ECHS1: variants seen among roughly 807,000 people sequenced by gnomAD.
The protein encoded by ECHS1 is enoyl-CoA hydratase, mitochondrial.
ECHS1 carries 19 observed loss-of-function variants against 33.5 expected under a neutral mutation model. The observed-to-expected ratio is 0.57, with a 90% confidence interval of 0.40 to 0.83. The LOEUF is 0.83. Ranked by LOEUF, ECHS1 falls within the 40% of genes least tolerant of loss-of-function variation. The pLI, the probability that ECHS1 is intolerant of heterozygous loss-of-function variation, is 0.00. For missense variants in ECHS1, 365 were observed against 381.3 expected (o/e 0.96, Z 0.36); for synonymous variants, 158 against 146.6 (o/e 1.08, Z -0.56).
At chr10:133,372,582 A>T (rs1314363898) in intron 1 of ECHS1, among the ~76,000 whole-genome samples, 1 of 152,014 alleles carries the variant, frequency 6.6e-6, no homozygotes, top group African/African-American at 2.4e-5. Flanking sequence ...CCCTGCGCCC[A>T]GTTGGCCAGA....
chr10:133,367,035 A>T, intron 4 of ECHS1, 42 bp from the exon 5 acceptor site: 1 of 1,515,246 alleles, frequency 6.6e-7, no homozygotes, highest in Non-Finnish European at 9.1e-7. Flanking sequence ...GTGATGAGTG[A>T]ACCCAAGAAG....
In ECHS1 at chr10:133,373,257, G is replaced by A. The variant is rs1382012110; in HGVS notation, c.77C>T (p.Pro26Leu). ...CACCGCGCACTCACCCGAGGCGAAGGGACGCCAGGCGGGACAGCGAACCGG... is the reference window on the plus strand; with the variant it reads ...CACCGCGCACTCACCCGAGGCGAAGAGACGCCAGGCGGGACAGCGAACCGG... ...RPPVRCPAWR[P>L]FASGANFEYI... Residue 26 changes from proline to leucine, a missense_variant, in exon 1 of 8, where the codon CCC becomes CTC. Coordinates refer to ENST00000368547, the MANE Select transcript of ECHS1 (RefSeq NM_004092.4). The A allele has an allele frequency of 1.4e-6, 2 of 1,442,722 alleles. No individual in the cohort carries two copies. The highest frequency in any genetic ancestry group is 1.8e-6 in the Non-Finnish European group (2 of 1,106,618). 89.4% of individuals were successfully genotyped at this position (1,442,722 alleles called of 1,614,324 possible).
chr10:133,367,665 G>T (rs939689815), intron 4 of ECHS1, among the ~76,000 whole-genome samples: 1 of 151,720 alleles, frequency 6.6e-6, no homozygotes, highest in East Asian at 1.9e-4. Flanking sequence ...GCAGTCATCC[G>T]GAGGCCTAAC....
In ECHS1 at chr10:133,362,742, G is replaced by T; in HGVS notation, c.*126C>A. ...TGAGAGGTCGGGCCACGACCACGCA[G>T]CAATTGGAGAGGAACTGCACACCAC... On this transcript the variant is annotated 3_prime_UTR_variant, in exon 8 of 8. Coordinates refer to ENST00000368547, the MANE Select transcript of ECHS1 (RefSeq NM_004092.4). The T allele has an allele frequency of 9.1e-7, 1 of 1,100,438 alleles. No individual in the cohort carries two copies. The allele number at this position is 1,100,438 out of a possible 1,614,324, so 68.2% of individuals were successfully genotyped here. A position where few individuals can be genotyped will look rare whatever the true frequency, so the allele number is the denominator to read the frequency against.
Position 133,370,578 on chromosome 10 carries a change from C to G in ECHS1, c.268G>C (p.Gly90Arg), listed in dbSNP as rs1085307550. The change falls in exon 2 of 8, where the codon GGG becomes CGG. Residue 90 changes from glycine to arginine, a missense_variant. Coordinates refer to ENST00000368547, the MANE Select transcript of ECHS1 (RefSeq NM_004092.4). ...PAVGAIVLTG[G>R]DKAFAAGADI... ...CGCGTACCTGCAAAGGCCTTATCCC[C>G]GCCGGTGAGGACAATGGCCCCCACG... 1.9e-6 allele frequency: 3 copies of G among 1,597,544 alleles called. No homozygotes were observed. The highest frequency in any genetic ancestry group is 2.6e-6 in the Non-Finnish European group (3 of 1,172,774).
chr10:133,366,169 T>A, intron 5 of ECHS1, 74 bp from the exon 6 acceptor site: 1 of 1,551,536 alleles, frequency 6.4e-7, no homozygotes, highest in Non-Finnish European at 8.7e-7. Context: ...GAGTGGCCGC[T>A]GGGGAGCAGC....
chr10:133,370,593 T>C lies in ECHS1; in HGVS notation c.253A>G (p.Ile85Val), dbSNP rs1849092622. 2 of 1,607,722 alleles carry C rather than the reference T, an allele frequency of 1.2e-6. No individual in the cohort carries two copies. The highest frequency in any genetic ancestry group is 1.7e-6 in the Non-Finnish European group (2 of 1,177,654). Residue 85 changes from isoleucine to valine, a missense_variant, in exon 2 of 8, where the codon ATT becomes GTT. Transcript: ENST00000368547. ...TFEEDPAVGAIVLTGGDKAFA... is the reference protein window; with the variant it reads ...TFEEDPAVGAVVLTGGDKAFA... The stretch of plus-strand genomic sequence containing the variant: ...GCCTTATCCCCGCCGGTGAGGACAA[T>C]GGCCCCCACGGCCGGGTCCTCCTCG...
At chr10:133,366,203 G>T in intron 5 of ECHS1, 108 bp from the exon 6 acceptor site, 1 of 1,376,752 alleles carries the variant, frequency 7.3e-7, no homozygotes, top group Non-Finnish European at 9.8e-7. Context: ...CCCAGCCTCT[G>T]GACGCTAAGC....
intron 7 of ECHS1, among the ~76,000 whole-genome samples, chr10:133,363,750 T>C (rs899469548): frequency 2.6e-5 from 4 of 152,238 alleles, no homozygotes; most frequent in South Asian, 2.1e-4. Context: ...CACCACTGCA[T>C]TCCAGCCTGG....
chr10:133,367,254 G>A (rs768717265), intron 4 of ECHS1, among the ~76,000 whole-genome samples: 7 of 151,898 alleles, frequency 4.6e-5, no homozygotes, highest in East Asian at 3.9e-4. Flanking sequence ...AAACTGTTTC[G>A]GTATAATAAA....
intron 6 of ECHS1, 58 bp downstream of exon 6, chr10:133,365,918 A>T: frequency 6.3e-7 from 1 of 1,598,878 alleles, no homozygotes; most frequent in Admixed American, 1.7e-5. Context: ...CCTGCTGCTG[A>T]GGAATGCTCC....
chr10:133,365,563 G>A (rs1182223878), intron 6 of ECHS1, among the ~76,000 whole-genome samples: 2 of 152,244 alleles, frequency 1.3e-5, no homozygotes, highest in Admixed American at 6.5e-5. Flanking sequence ...AACGAACAGC[G>A]TGGTGCTGGG....
rs1849021229 is a variant in ECHS1, at chr10:133,365,915, C to T, written c.739+61G>A. The T allele has an allele frequency of 3.6e-5, 57 of 1,596,326 alleles. 2 individuals carry two copies. In the South Asian group the frequency reaches 5.5e-4, roughly 16 times the overall value. On this transcript the variant is annotated intron_variant, in intron 6 of 7. Transcript: ENST00000368547. ...TCATTTGGAGCCAGAAAGCCTGCTGCTGAGGAATGCTCCTGACAGCCACGG... is the reference window on the plus strand; with the variant it reads ...TCATTTGGAGCCAGAAAGCCTGCTGTTGAGGAATGCTCCTGACAGCCACGG...
At chr10:133,363,711 G>T (rs1228219464) in intron 7 of ECHS1, among the ~76,000 whole-genome samples, 2 of 152,146 alleles carry the variant, frequency 1.3e-5, no homozygotes, top group Non-Finnish European at 2.9e-5. Flanking sequence ...TTGAACCCAG[G>T]AGGTGGAGGT....
intron 4 of ECHS1, among the ~76,000 whole-genome samples, chr10:133,368,155 C>A (rs1232716146): frequency 6.6e-6 from 1 of 152,198 alleles, no homozygotes; most frequent in African/African-American, 2.4e-5. Context: ...GGACACTACA[C>A]TCCCCCAACA....
intron 1 of ECHS1, among the ~76,000 whole-genome samples, chr10:133,371,081 T>C (rs571537264): frequency 1.5e-3 from 225 of 152,264 alleles, no homozygotes; most frequent in African/African-American, 4.9e-3. Flanking sequence ...ATCGAGACCA[T>C]CCTGGCTAAC....
chr10:133,368,700 C>T (rs1224422120), intron 4 of ECHS1, among the ~76,000 whole-genome samples: 1 of 152,198 alleles, frequency 6.6e-6, no homozygotes, highest in Non-Finnish European at 1.5e-5. Context: ...TCTCCCAACA[C>T]CATCAGATGT....
At chr10:133,373,220 G>C in intron 1 of ECHS1, 26 bp downstream of exon 1, 2 of 1,405,112 alleles carry the variant, frequency 1.4e-6, no homozygotes, top group Non-Finnish European at 1.8e-6. Flanking sequence ...GGAGATTCGG[G>C]CCGCCAGCTC....
chr10:133,366,789 G>C, intron 5 of ECHS1, 100 bp downstream of exon 5: 2 of 871,530 alleles, frequency 2.3e-6, no homozygotes, highest in Non-Finnish European at 3.7e-6. Flanking sequence ...GGGTTTCTGT[G>C]GGGCTCCCCC....
Sources: allele counts gnomAD v4.1 joint callset (sites outside exome capture counted in the v4.1 genomes callset), GRCh38; gene constraint gnomAD v4.1.1; transcripts MANE v1.5; gene names NCBI Gene and HGNC (gene_info 2026-07-23, HGNC 2026-07-21).